DYNLT2B: variants seen among roughly 807,000 people sequenced by gnomAD.
DYNLT2B encodes dynein light chain Tctex-type 2B.
DYNLT2B carries 14 observed loss-of-function variants against 19.5 expected under a neutral mutation model. That is an observed-to-expected ratio of 0.72 (90% confidence interval 0.47 to 1.12). DYNLT2B has a LOEUF of 1.12. DYNLT2B is among the 50% of genes most tolerant of loss of function. The probability of loss-of-function intolerance (pLI) is 0.00; values close to 1 mark genes in which losing one functional copy is unlikely to be tolerated. For synonymous variants in DYNLT2B, 70 were observed against 59.7 expected (o/e 1.17, Z -0.79); for missense variants, 133 against 174.7 (o/e 0.76, Z 1.35).
intron 3 of DYNLT2B, 79 bp from the exon 4 acceptor site, chr3:196,296,148 T>C: frequency 3.4e-6 from 4 of 1,192,422 alleles, no homozygotes; most frequent in Non-Finnish European, 5.0e-6. Flanking sequence ...AGAAACAGTG[T>C]TCCTTAATAC....
intron 2 of DYNLT2B, among the ~76,000 whole-genome samples, chr3:196,307,807 C>T (rs1244298375): frequency 6.6e-6 from 1 of 151,258 alleles, no homozygotes; most frequent in Non-Finnish European, 1.5e-5. Context: ...AGGCCGGGCA[C>T]GGTGGCTCAC....
chr3:196,291,443 A>T, intron 4 of DYNLT2B, 69 bp from the exon 5 acceptor site: 1 of 1,490,930 alleles, frequency 6.7e-7, no homozygotes, highest in Non-Finnish European at 9.1e-7. Context: ...AGAGCAGCAC[A>T]GGCAACTGAA....
At chr3:196,311,661 T>TTTTTTTTA (rs1553841936) in intron 2 of DYNLT2B, among the ~76,000 whole-genome samples, 1 of 147,558 alleles carries the variant, frequency 6.8e-6, no homozygotes, top group African/African-American at 2.5e-5. Context: ...ATGAGGATTA[T>TTTTTTTTA]TTTATTTATT....
In DYNLT2B at chr3:196,291,334, T is replaced by C. The variant is rs769086412; in HGVS notation, c.422A>G (p.Tyr141Cys). 1.9e-5 allele frequency: 30 copies of C among 1,611,602 alleles called. No homozygotes were observed. In the East Asian group the frequency reaches 6.3e-4, roughly 34 times the overall value. ...AGCTTTTCAAAGATTCATTCAGTAG[T>C]AGAAACAGCCAAATGCTGCTACAAC... ...FCVVAAFGCF[Y>C]Y The change falls in exon 5 of 5, where the codon TAC becomes TGC. Residue 141 changes from tyrosine (Y) to cysteine (C), a missense_variant. Coordinates refer to ENST00000325318, the MANE Select transcript of DYNLT2B (RefSeq NM_152773.5).
intron 3 of DYNLT2B, among the ~76,000 whole-genome samples, chr3:196,301,822 A>C (rs1033951292): frequency 5.3e-5 from 8 of 152,226 alleles, no homozygotes; most frequent in Non-Finnish European, 1.2e-4. Context: ...TGAAATCTAT[A>C]AAAACTAAAT....
intron 1 of DYNLT2B, among the ~76,000 whole-genome samples, chr3:196,317,709 C>T (rs1726915241): frequency 1.3e-5 from 2 of 152,208 alleles, no homozygotes; most frequent in Non-Finnish European, 2.9e-5. Context: ...CGGCATCCGA[C>T]GCGAGTGGCT....
Position 196,306,972 on chromosome 3 carries a change from C to A in DYNLT2B, c.288G>T (p.Val96=). The part of the protein sequence containing the change: ...FDRYKMVVQV[V]IGEQRGEGVF... ...CTCCTTCACCTCTTTGTTCTCCAAT[C>A]ACTACTTGCACCACCATTTTGTATC... The change falls in exon 3 of 5, where the codon GTG becomes GTT. Residue 96 remains valine (V), a synonymous_variant. Transcript: ENST00000325318. 1 of 1,614,138 alleles carries A rather than the reference C, an allele frequency of 6.2e-7. No homozygotes were observed. Among genetic ancestry groups the A allele is most frequent in the Non-Finnish European group, 8.5e-7 (1 of 1,179,998 alleles).
At chr3:196,295,946 AGTTT>A in intron 4 of DYNLT2B, 56 bp downstream of exon 4, 1 of 1,339,822 alleles carries the variant, frequency 7.5e-7, no homozygotes, top group South Asian at 1.2e-5. Context: ...AACAGTAAAT[AGTTT>A]GATTTGCGGT....
chr3:196,296,667 T>G (rs1416582013), intron 3 of DYNLT2B, among the ~76,000 whole-genome samples: 1 of 152,164 alleles, frequency 6.6e-6, no homozygotes. Context: ...AATGAAATTA[T>G]GGTATTTCTC....
intron 1 of DYNLT2B, among the ~76,000 whole-genome samples, chr3:196,317,062 G>T (rs142459157): frequency 0.097 from 5,062 of 52,212 alleles, 641 homozygotes; most frequent in South Asian, 0.16. Context: ...GTGTGTGTGT[G>T]GTGTGTGTGT....
intron 2 of DYNLT2B, among the ~76,000 whole-genome samples, chr3:196,307,866 G>A (rs1163876046): frequency 6.6e-6 from 1 of 151,594 alleles, no homozygotes; most frequent in Non-Finnish European, 1.5e-5. Context: ...GATCACCTGA[G>A]GTCAGGAGTT....
At chr3:196,299,365 A>G (rs933018289) in intron 3 of DYNLT2B, among the ~76,000 whole-genome samples, 4 of 151,844 alleles carry the variant, frequency 2.6e-5, no homozygotes, top group African/African-American at 9.7e-5. Context: ...GATTACAGGC[A>G]TGAGCCACTG....
chr3:196,304,376 ACCCACCTCGGTCC>A (rs1468344193), intron 3 of DYNLT2B, among the ~76,000 whole-genome samples: 1 of 151,916 alleles, frequency 6.6e-6, no homozygotes, highest in Non-Finnish European at 1.5e-5. Flanking sequence ...CAAGTGATCC[ACCCACCTCGGTCC>A]CCCAAAGGGC....
At position 196,296,707 on chromosome 3, in the gene DYNLT2B, A is replaced by G. The variant is rs115150848; in HGVS notation, c.318-638T>C. Among the ~76,000 whole-genome samples the G allele has an allele frequency of 7.9e-3, 1,199 of 152,324 alleles. 19 individuals carry two copies. Among genetic ancestry groups the G allele is most frequent in the African/African-American group, 0.028 (1,147 of 41,572 alleles). On this transcript the variant is annotated intron_variant, in intron 3 of 4. Transcript: ENST00000325318. ...TCTGGGAGAATTTTTTAAAAAAAGA[A>G]AAAAGAAATAATGATGTTTTCTGGC...
At chr3:196,296,522 T>C (rs2108790725) in intron 3 of DYNLT2B, among the ~76,000 whole-genome samples, 1 of 152,266 alleles carries the variant, frequency 6.6e-6, no homozygotes, top group South Asian at 2.1e-4. Context: ...CAAAAATATC[T>C]CTACAGAATG....
chr3:196,318,105 A>G lies in DYNLT2B; in HGVS notation c.48T>C (p.Pro16=), dbSNP rs1176250378. Residue 16 remains proline (P), a synonymous_variant, in exon 1 of 5, where the codon CCT becomes CCC. Coordinates refer to ENST00000325318, the MANE Select transcript of DYNLT2B (RefSeq NM_152773.5). ...GCTCCCCTGCGTTCTTCTCAGCCTC[A>G]GGCACCCCGTCGCCCACCGAGAAGG... is the stretch of plus-strand genomic sequence containing the variant. ...GVSFSVGDGV[P]EAEKNAGEPE... is the part of the protein sequence containing the mutation. The G allele has an allele frequency of 1.3e-6, 2 of 1,482,392 alleles. No homozygotes were observed. Among genetic ancestry groups the G allele is most frequent in the African/African-American group, 2.0e-5 (1 of 50,192 alleles). The allele number at this position is 1,482,392 out of a possible 1,614,324, so 91.8% of individuals were successfully genotyped here.
rs552484096 is a variant in DYNLT2B at position 196,301,229 on chromosome 3, G to T, written c.318-5160C>A. ...CGGCCAATACTCTTCCTGCACAGCA[G>T]AAGAGAGAGTTAAGTCCTTTCTGGA... is the stretch of plus-strand genomic sequence containing the variant. On this transcript the variant is annotated intron_variant, in intron 3 of 4. Coordinates refer to ENST00000325318, the MANE Select transcript of DYNLT2B (RefSeq NM_152773.5). Among the ~76,000 whole-genome samples, 58 of 152,310 alleles carry T rather than the reference G, an allele frequency of 3.8e-4. 2 individuals are homozygous for T. The South Asian group carries it at 0.012, about 30-fold the overall frequency.
chr3:196,300,359 C>G (rs1726320572), intron 3 of DYNLT2B, among the ~76,000 whole-genome samples: 1 of 152,138 alleles, frequency 6.6e-6, no homozygotes, highest in Non-Finnish European at 1.5e-5. Flanking sequence ...AAAGTCAGCA[C>G]CTGTTGGAGG....
intron 2 of DYNLT2B, among the ~76,000 whole-genome samples, chr3:196,314,562 C>T (rs1726726166): frequency 6.6e-6 from 1 of 151,972 alleles, no homozygotes. Flanking sequence ...CCTGCAATCC[C>T]AGCAGTTTGC....
Sources: gnomAD v4.1 joint callset for allele counts (sites outside exome capture counted in the v4.1 genomes callset) on GRCh38, gnomAD v4.1.1 for gene constraint, MANE v1.5 for transcripts, NCBI Gene and HGNC (gene_info 2026-07-23, HGNC 2026-07-21) for gene names.